ENTHD1: variants seen among roughly 807,000 people sequenced by gnomAD.
ENTHD1 encodes ENTH domain containing 1, also known as ENTH domain-containing protein 1.
A neutral mutation model predicts 39.1 loss-of-function variants in ENTHD1; 23 were observed. The observed-to-expected ratio is 0.59, with a 90% CI of 0.42 to 0.83. The LOEUF is 0.83. Among genes scored for constraint, ENTHD1 ranks in the 40% least tolerant of loss-of-function variants. ENTHD1 has a pLI of 0.00. For synonymous variants in ENTHD1, 230 were observed against 258.2 expected (o/e 0.89, Z 1.05); for missense variants, 624 against 705.4 (o/e 0.88, Z 1.31).
chr22:39,773,117 CAAAAAAAAA>C (rs57398699), intron 5 of ENTHD1, among the ~76,000 whole-genome samples: 1 of 36,102 alleles, frequency 2.8e-5, no homozygotes, highest in East Asian at 1.2e-3. Flanking sequence ...GACCTCATCT[CAAAAAAAAA>C]AAAAAAAAAA....
intron 4 of ENTHD1, among the ~76,000 whole-genome samples, chr22:39,826,750 G>A (rs540116280): frequency 6.6e-6 from 1 of 151,966 alleles, no homozygotes; most frequent in South Asian, 2.1e-4. Flanking sequence ...GGGGTGGGAA[G>A]GGTATACTTG....
At chr22:39,819,958 G>A (rs1334513610) in intron 5 of ENTHD1, among the ~76,000 whole-genome samples, 3 of 152,098 alleles carry the variant, frequency 2.0e-5, no homozygotes, top group African/African-American at 7.2e-5. Context: ...CAAGCTTCTG[G>A]ATCTAAATCT....
At chr22:39,775,887 TAC>T (rs2065361640) in intron 5 of ENTHD1, among the ~76,000 whole-genome samples, 1 of 152,170 alleles carries the variant, frequency 6.6e-6, no homozygotes, top group Admixed American at 6.5e-5. Context: ...CTGCAATGAA[TAC>T]TGTCTTTTTT....
chr22:39,761,949 C>G (rs935889708), intron 6 of ENTHD1, among the ~76,000 whole-genome samples: 1 of 152,136 alleles, frequency 6.6e-6, no homozygotes, highest in Non-Finnish European at 1.5e-5. Flanking sequence ...TTCATTATGA[C>G]CCATATTTTC....
At chr22:39,777,400 G>C (rs184171474) in intron 5 of ENTHD1, among the ~76,000 whole-genome samples, 1 of 151,432 alleles carries the variant, frequency 6.6e-6, no homozygotes, top group African/African-American at 2.4e-5. Context: ...GATTGTGTGC[G>C]TGTGTGTGTG....
rs188132784 is a variant in ENTHD1 at position 39,754,358 on chromosome 22, G to A, written c.1220-10075C>T. ...CCACTGGAGAAAACCACAGGCCTCT[G>A]CACACTAGGGTGGCACCAATCACGC... On this transcript the variant is annotated intron_variant, in intron 6 of 6. Transcript: ENST00000325157. Among the ~76,000 whole-genome samples, 9 of 152,274 alleles carry A rather than the reference G, an allele frequency of 5.9e-5. No individual in the cohort carries two copies. In the South Asian group the frequency reaches 1.0e-3, roughly 18 times the overall value.
intron 6 of ENTHD1, among the ~76,000 whole-genome samples, chr22:39,754,571 C>A (rs575726067): frequency 6.6e-6 from 1 of 152,344 alleles, no homozygotes; most frequent in Admixed American, 6.5e-5. Flanking sequence ...TTATTTATTA[C>A]AAATAACAAG....
At chr22:39,775,955 T>A (rs2065362295) in intron 5 of ENTHD1, among the ~76,000 whole-genome samples, 1 of 152,160 alleles carries the variant, frequency 6.6e-6, no homozygotes, top group Non-Finnish European at 1.5e-5. Flanking sequence ...TGGACTGCAG[T>A]GGTGCGATCA....
At chr22:39,745,875 T>C (rs980158565) in intron 6 of ENTHD1, among the ~76,000 whole-genome samples, 1 of 152,240 alleles carries the variant, frequency 6.6e-6, no homozygotes, top group Non-Finnish European at 1.5e-5. Flanking sequence ...GTTTCTAGTA[T>C]TGCTGTGCAG....
At chr22:39,782,429 T>C (rs1228100823) in intron 5 of ENTHD1, among the ~76,000 whole-genome samples, 1 of 147,286 alleles carries the variant, frequency 6.8e-6, no homozygotes, top group African/African-American at 2.5e-5. Flanking sequence ...AAAAAAAAAC[T>C]GAAGAGGAGA....
chr22:39,857,271 C>T (rs1402979221), intron 3 of ENTHD1, among the ~76,000 whole-genome samples: 1 of 151,520 alleles, frequency 6.6e-6, no homozygotes, highest in African/African-American at 2.4e-5. Flanking sequence ...GAAGGAACCC[C>T]GTCTCTACTT....
intron 6 of ENTHD1, among the ~76,000 whole-genome samples, chr22:39,748,735 T>C (rs1361263197): frequency 6.6e-6 from 1 of 152,140 alleles, no homozygotes; most frequent in Non-Finnish European, 1.5e-5. Flanking sequence ...CATGTTATCA[T>C]ATATATTTAA....
At chr22:39,769,815 A>ATGACAAC (rs2065307763) in intron 5 of ENTHD1, among the ~76,000 whole-genome samples, 2 of 152,196 alleles carry the variant, frequency 1.3e-5, no homozygotes, top group South Asian at 4.1e-4. Flanking sequence ...AACAAAAGAT[A>ATGACAAC]AGAAATGTCA....
intron 6 of ENTHD1, among the ~76,000 whole-genome samples, chr22:39,757,236 G>A (rs1205505547): frequency 6.6e-6 from 1 of 152,002 alleles, no homozygotes; most frequent in African/African-American, 2.4e-5. Flanking sequence ...TACTGTAAAT[G>A]GTACTGTTTT....
intron 5 of ENTHD1, among the ~76,000 whole-genome samples, chr22:39,775,796 T>C (rs1048123665): frequency 1.2e-4 from 18 of 152,206 alleles, no homozygotes; most frequent in African/African-American, 4.3e-4. Context: ...TTTGGGTAGA[T>C]GCTTTCTTGA....
chr22:39,770,987 C>T (rs2065317339), intron 5 of ENTHD1, among the ~76,000 whole-genome samples: 2 of 152,198 alleles, frequency 1.3e-5, no homozygotes, highest in African/African-American at 4.8e-5. Flanking sequence ...CCAACTAGCA[C>T]TTCTTTGAGC....
chr22:39,803,062 A>T (rs975706506), intron 5 of ENTHD1, among the ~76,000 whole-genome samples: 1 of 152,144 alleles, frequency 6.6e-6, no homozygotes, highest in Non-Finnish European at 1.5e-5. Flanking sequence ...AATAAATACA[A>T]ATCAGATTCT....
chr22:39,785,493 TAA>T (rs914471236), intron 5 of ENTHD1, among the ~76,000 whole-genome samples: 9 of 152,066 alleles, frequency 5.9e-5, no homozygotes, highest in Admixed American at 1.3e-4. Flanking sequence ...GGGTGGAGAG[TAA>T]AAGAGACAAC....
chr22:39,869,998 T>TATTC (rs1258228284), intron 2 of ENTHD1, among the ~76,000 whole-genome samples: 4 of 150,194 alleles, frequency 2.7e-5, no homozygotes, highest in Non-Finnish European at 5.9e-5. Flanking sequence ...TTTATTTATT[T>TATTC]ATTTATTTAT....
Sources: gnomAD v4.1 joint callset for allele counts (sites outside exome capture counted in the v4.1 genomes callset) on GRCh38, gnomAD v4.1.1 for gene constraint, MANE v1.5 for transcripts, NCBI Gene and HGNC (gene_info 2026-07-23, HGNC 2026-07-21) for gene names.